Variants in IGF2BP3 observed in about 807,000 individuals in gnomAD.
The protein encoded by IGF2BP3 is insulin-like growth factor 2 mRNA-binding protein 3.
Under a neutral mutation model 73.8 loss-of-function variants are expected in IGF2BP3, and 9 were observed. The ratio of observed to expected loss-of-function variants is 0.12; its 90% confidence interval spans 0.07 to 0.21. The LOEUF (loss-of-function observed/expected upper bound fraction) is 0.21, where lower values mean the gene tolerates loss of function less well. Ranked by LOEUF, IGF2BP3 falls within the 10% of genes least tolerant of loss-of-function variation. IGF2BP3 has a pLI of 1.00. For synonymous variants in IGF2BP3, 258 were observed against 256.7 expected, an observed-to-expected ratio of 1.01 and a Z score of -0.05; for missense variants, 542 against 714.0, an observed-to-expected ratio of 0.76 and a Z score of 2.75.
chr7:23,440,710 C>A (rs2128544934), intron 2 of IGF2BP3, among the ~76,000 whole-genome samples: 1 of 152,312 alleles, frequency 6.6e-6, no homozygotes, highest in South Asian at 2.1e-4. Flanking sequence ...AACCCCTAAC[C>A]ACCAGCCACC....
chr7:23,317,718 A>C lies in IGF2BP3; in HGVS notation c.1321-5T>G. 6.2e-7 allele frequency: 1 copy of C among 1,611,746 alleles called. No individual in the cohort carries two copies. Among genetic ancestry groups the C allele is most frequent in the Non-Finnish European group, 8.5e-7 (1 of 1,177,756 alleles). On this transcript the variant is annotated splice_region_variant and splice_polypyrimidine_tract_variant and intron_variant, in intron 11 of 14. Transcript: ENST00000258729. Reference sequence around the variant, plus strand: ...TGGTGCTTCCGCTGGAGCAATCTGTAACAGACCCAACAACAAGTTATGATA... The same window carrying C: ...TGGTGCTTCCGCTGGAGCAATCTGTCACAGACCCAACAACAAGTTATGATA...
chr7:23,445,449 A>C (rs1788036586), intron 2 of IGF2BP3, among the ~76,000 whole-genome samples: 1 of 151,518 alleles, frequency 6.6e-6, no homozygotes. Flanking sequence ...ATACAGTGTA[A>C]CTAAGTATTA....
intron 5 of IGF2BP3, among the ~76,000 whole-genome samples, chr7:23,358,882 T>A (rs145197739): frequency 6.6e-6 from 1 of 152,232 alleles, no homozygotes; most frequent in East Asian, 1.9e-4. Flanking sequence ...AATACTCTTA[T>A]AAGGCCGCTT....
chr7:23,349,963 G>A lies in IGF2BP3; in HGVS notation c.683+1342C>T, dbSNP rs75294734. Among the ~76,000 whole-genome samples, 593 of 152,254 alleles carry A rather than the reference G, an allele frequency of 3.9e-3. 1 individual carries two copies. Among genetic ancestry groups the A allele is most frequent in the Non-Finnish European group, 5.5e-3 (372 of 68,008 alleles). ...AGCCAGGCCGACTGACTAGGTTATG[G>A]TCCAGTTGTCTTTCCCACTCCTACA... On this transcript the variant is annotated intron_variant, in intron 6 of 14. Coordinates refer to ENST00000258729, the MANE Select transcript of IGF2BP3 (RefSeq NM_006547.3).
intron 5 of IGF2BP3, among the ~76,000 whole-genome samples, chr7:23,358,638 G>C (rs919873361): frequency 3.3e-5 from 5 of 152,178 alleles, no homozygotes; most frequent in African/African-American, 1.2e-4. Flanking sequence ...AGGGCTACCT[G>C]ACTTTGGTGT....
intron 2 of IGF2BP3, among the ~76,000 whole-genome samples, chr7:23,448,549 T>C (rs148262764): frequency 0.016 from 2,418 of 152,138 alleles, 75 homozygotes; most frequent in African/African-American, 0.055. Flanking sequence ...ACTACAGGCA[T>C]GCACCATCAC....
chr7:23,462,414 T>G (rs1006543010), intron 2 of IGF2BP3, among the ~76,000 whole-genome samples: 2 of 151,278 alleles, frequency 1.3e-5, no homozygotes, highest in African/African-American at 4.9e-5. Context: ...CAGGCTGGAG[T>G]GCAGTAGCGC....
chr7:23,435,162 G>A (rs375856872), intron 2 of IGF2BP3, among the ~76,000 whole-genome samples: 7 of 151,546 alleles, frequency 4.6e-5, no homozygotes, highest in East Asian at 4.0e-4. Flanking sequence ...GTGTGGTGGC[G>A]GGTACGTGTA....
intron 3 of IGF2BP3, among the ~76,000 whole-genome samples, chr7:23,376,267 A>T (rs1785714552): frequency 6.6e-6 from 1 of 152,168 alleles, no homozygotes; most frequent in Non-Finnish European, 1.5e-5. Flanking sequence ...AATTAAAAAA[A>T]GCCTTGAGGC....
chr7:23,387,074 A>AAAG (rs1786106828), intron 3 of IGF2BP3, among the ~76,000 whole-genome samples: 1 of 151,698 alleles, frequency 6.6e-6, no homozygotes, highest in African/African-American at 2.4e-5. Flanking sequence ...AAAAAAAAAA[A>AAAG]AAAGAAAGAA....
In IGF2BP3 at chr7:23,441,574, TAAAAAAAAAAAAAAA is replaced by T. The variant is rs769391858; in HGVS notation, c.237-22765_237-22751del. 2.2e-3 allele frequency among the ~76,000 whole-genome samples: 126 copies of T among 56,956 alleles called. 2 individuals carry two copies. Among genetic ancestry groups the T allele is most frequent in the South Asian group, 3.3e-3 (6 of 1,820 alleles). The allele number at this position is 56,956 out of a possible 152,430, so 37.4% of individuals were successfully genotyped here. ...GGGACAAGAGTGAGACTCCATCTCT[TAAAAAAAAAAAAAAA>T]AAAAAAAAAAAAAAAGACACATATG... On this transcript the variant is annotated intron_variant, in intron 2 of 14. Transcript: ENST00000258729.
intron 3 of IGF2BP3, among the ~76,000 whole-genome samples, chr7:23,382,539 T>A (rs547648080): frequency 1.7e-4 from 26 of 152,286 alleles, no homozygotes; most frequent in African/African-American, 6.0e-4. Context: ...ATTTTAATCA[T>A]GACCAAAAGT....
chr7:23,425,378 T>C (rs962443845), intron 2 of IGF2BP3, among the ~76,000 whole-genome samples: 1 of 150,516 alleles, frequency 6.6e-6, no homozygotes, highest in African/African-American at 2.5e-5. Flanking sequence ...GAATTAGATA[T>C]ATAATAATGT....
chr7:23,402,881 A>G (rs1430317705), intron 3 of IGF2BP3, among the ~76,000 whole-genome samples: 1 of 152,240 alleles, frequency 6.6e-6, no homozygotes, highest in Non-Finnish European at 1.5e-5. Context: ...CAATGGAGAA[A>G]GCTTCACCCC....
chr7:23,458,939 G>A (rs1433454926), intron 2 of IGF2BP3, among the ~76,000 whole-genome samples: 1 of 152,170 alleles, frequency 6.6e-6, no homozygotes, highest in Non-Finnish European at 1.5e-5. Flanking sequence ...ACTTAAATGG[G>A]AGGGATGAAG....
At chr7:23,407,197 GA>G (rs1279886249) in intron 3 of IGF2BP3, among the ~76,000 whole-genome samples, 4 of 129,736 alleles carry the variant, frequency 3.1e-5, no homozygotes, top group South Asian at 2.6e-4. Context: ...AAAAAAAAAA[GA>G]AAAAAAGAAA....
At chr7:23,394,494 C>G (rs979438072) in intron 3 of IGF2BP3, 2 of 152,206 alleles carry the variant, frequency 1.3e-5, no homozygotes, top group African/African-American at 4.8e-5. Flanking sequence ...CCCAAAACAA[C>G]AACAAACCAT....
rs367828498 is a variant in IGF2BP3 at position 23,435,449 on chromosome 7, G to GT, written c.237-16626dup. Among the ~76,000 whole-genome samples, 347 of 146,244 alleles carry GT rather than the reference G, an allele frequency of 2.4e-3. 1 individual carries two copies. The highest frequency in any genetic ancestry group is 3.3e-3 in the African/African-American group (133 of 40,068). On this transcript the variant is annotated intron_variant, in intron 2 of 14. Transcript: ENST00000258729. The stretch of plus-strand genomic sequence containing the variant: ...AAACTCTCCAGCACAAACATCTAAA[G>GT]TTTTTTTTTTTTTCTTTTCTTTGAG...
intron 10 of IGF2BP3, among the ~76,000 whole-genome samples, chr7:23,336,538 C>G (rs1784577643): frequency 6.6e-6 from 1 of 150,906 alleles, no homozygotes; most frequent in African/African-American, 2.4e-5. Context: ...CAGAGTCTTG[C>G]TTAGTCACCC....
Sources: allele counts gnomAD v4.1 joint callset (sites outside exome capture counted in the v4.1 genomes callset), GRCh38; gene constraint gnomAD v4.1.1; transcripts MANE v1.5; gene names NCBI Gene and HGNC (gene_info 2026-07-23, HGNC 2026-07-21).